The following NPAS3 variants were observed in gnomAD, a reference collection of about 807,000 sequenced individuals.
The protein encoded by NPAS3 is neuronal PAS domain-containing protein 3.
In NPAS3, 14 loss-of-function variants were observed where a neutral mutation model predicts 73.1. The ratio of observed to expected loss-of-function variants is 0.19; its 90% confidence interval spans 0.13 to 0.30. The LOEUF (loss-of-function observed/expected upper bound fraction) is 0.30, where lower values mean the gene tolerates loss of function less well. Ranked by LOEUF, NPAS3 falls within the 10% of genes least tolerant of loss-of-function variation. The pLI, the probability that NPAS3 is intolerant of heterozygous loss-of-function variation, is 1.00. For missense variants in NPAS3, 1,096 were observed against 1,250.0 expected, an observed-to-expected ratio of 0.88 and a Z score of 1.86; for synonymous variants, 620 against 541.5, an observed-to-expected ratio of 1.14 and a Z score of -2.01.
At chr14:33,170,943 C>G (rs2045365736) in intron 2 of NPAS3, among the ~76,000 whole-genome samples, 2 of 152,212 alleles carry the variant, frequency 1.3e-5, no homozygotes, top group African/African-American at 4.8e-5. Flanking sequence ...TTAACAACAT[C>G]CAAAATGGTG....
intron 2 of NPAS3, among the ~76,000 whole-genome samples, chr14:33,090,348 C>A (rs111904212): frequency 3.3e-5 from 5 of 152,226 alleles, no homozygotes; most frequent in African/African-American, 1.2e-4. Flanking sequence ...GGTTGCAATC[C>A]TAGTCTCTGA....
chr14:33,563,025 C>A (rs1248149532), intron 5 of NPAS3, among the ~76,000 whole-genome samples: 1 of 152,030 alleles, frequency 6.6e-6, no homozygotes, highest in African/African-American at 2.4e-5. Context: ...AAGTTATGGA[C>A]CCTCCTTTCC....
chr14:33,624,272 T>C (rs546791238), intron 5 of NPAS3, among the ~76,000 whole-genome samples: 5 of 152,310 alleles, frequency 3.3e-5, no homozygotes, highest in South Asian at 2.1e-4. Flanking sequence ...TGTTCAATAA[T>C]ATTTGTGGAG....
At chr14:33,636,682 GC>G (rs1245605710) in intron 5 of NPAS3, among the ~76,000 whole-genome samples, 1 of 152,120 alleles carries the variant, frequency 6.6e-6, no homozygotes, top group Admixed American at 6.5e-5. Context: ...TTGATGCAAG[GC>G]CCCCAAACGC....
intron 4 of NPAS3, among the ~76,000 whole-genome samples, chr14:33,520,156 G>T (rs2053493157): frequency 6.6e-6 from 1 of 152,112 alleles, no homozygotes; most frequent in Non-Finnish European, 1.5e-5. Flanking sequence ...TTGGGTCGGG[G>T]TGAAGCTCTG....
Position 33,559,842 on chromosome 14 carries a change from A to C in NPAS3, c.469-279A>C, listed in dbSNP as rs532748418. On this transcript the variant is annotated intron_variant, in intron 4 of 11. Coordinates refer to ENST00000356141, the Ensembl canonical transcript of NPAS3. ...GAGACCAGCCTGGCCAACATGCTGA[A>C]ACCCTGTCTCTACTAAAAATACAAA... Among the ~76,000 whole-genome samples, 9 of 152,188 alleles carry C rather than the reference A, an allele frequency of 5.9e-5. No homozygotes were observed. The South Asian group carries it at 1.7e-3, about 28-fold the overall frequency.
chr14:33,801,069 G>C, exon 12 of NPAS3: 1 of 1,593,368 alleles, frequency 6.3e-7, no homozygotes, highest in Non-Finnish European at 8.5e-7. Flanking sequence ...TACAGCAACG[G>C]CATCCACGCG....
At chr14:33,169,470 A>G (rs953092365) in intron 2 of NPAS3, among the ~76,000 whole-genome samples, 4 of 152,290 alleles carry the variant, frequency 2.6e-5, no homozygotes, top group African/African-American at 9.6e-5. Context: ...TGGGAGGCTG[A>G]GACAAGAGAA....
chr14:33,231,647 A>T (rs1369700913), intron 3 of NPAS3, among the ~76,000 whole-genome samples: 2 of 152,190 alleles, frequency 1.3e-5, no homozygotes, highest in African/African-American at 4.8e-5. Context: ...ACATGCAAAG[A>T]TACTACACAT....
At chr14:32,959,677 CAT>C (rs2036827601) in intron 1 of NPAS3, among the ~76,000 whole-genome samples, 1 of 152,178 alleles carries the variant, frequency 6.6e-6, no homozygotes, top group Non-Finnish European at 1.5e-5. Context: ...TGAATATACA[CAT>C]AGTGCTGGTT....
At chr14:32,989,352 TAA>T (rs1348753530) in intron 1 of NPAS3, among the ~76,000 whole-genome samples, 2 of 152,158 alleles carry the variant, frequency 1.3e-5, no homozygotes, top group African/African-American at 4.8e-5. Context: ...GAGAAGTTAT[TAA>T]AAGTTTGTGG....
intron 3 of NPAS3, among the ~76,000 whole-genome samples, chr14:33,333,992 G>A (rs1327009962): frequency 6.6e-6 from 1 of 152,074 alleles, no homozygotes; most frequent in Admixed American, 6.6e-5. Context: ...AAATGGAAGA[G>A]AGAAATCTTA....
At chr14:33,252,520 G>T (rs144760537) in intron 3 of NPAS3, among the ~76,000 whole-genome samples, 1 of 151,820 alleles carries the variant, frequency 6.6e-6, no homozygotes, top group African/African-American at 2.4e-5. Context: ...TGATGTAGTG[G>T]TTATTCTTTT....
chr14:33,717,230 C>CAA (rs35800734), intron 6 of NPAS3, among the ~76,000 whole-genome samples: 9,227 of 102,082 alleles, frequency 0.09, 408 homozygotes, highest in South Asian at 0.22. Flanking sequence ...TGATCATGGC[C>CAA]AAAAAAAAAA....
intron 1 of NPAS3, among the ~76,000 whole-genome samples, chr14:33,039,185 C>T (rs899170790): frequency 6.6e-6 from 1 of 152,128 alleles, no homozygotes; most frequent in Non-Finnish European, 1.5e-5. Context: ...TGAGGTTATT[C>T]TGCAGTTTGT....
chr14:33,227,088 G>T (rs1373468767), intron 3 of NPAS3, among the ~76,000 whole-genome samples: 1 of 152,214 alleles, frequency 6.6e-6, no homozygotes, highest in Non-Finnish European at 1.5e-5. Flanking sequence ...CATATGAAAG[G>T]AAGCAGGGAT....
chr14:33,655,035 G>A (rs1455266556), intron 5 of NPAS3, among the ~76,000 whole-genome samples: 1 of 152,188 alleles, frequency 6.6e-6, no homozygotes, highest in Non-Finnish European at 1.5e-5. Context: ...ACCCTGCAAG[G>A]TGGATGTAAC....
At chr14:33,657,564 T>C (rs1051099889) in intron 5 of NPAS3, among the ~76,000 whole-genome samples, 2 of 152,140 alleles carry the variant, frequency 1.3e-5, no homozygotes, top group African/African-American at 4.8e-5. Context: ...CAGATGAAAA[T>C]TGATTAGAGA....
chr14:33,465,692 T>C (rs539056520), intron 4 of NPAS3, among the ~76,000 whole-genome samples: 1 of 152,314 alleles, frequency 6.6e-6, no homozygotes, highest in East Asian at 1.9e-4. Context: ...GCTTAACTTC[T>C]ATATACTAAA....
Sources: gnomAD v4.1 joint callset for allele counts (sites outside exome capture counted in the v4.1 genomes callset) on GRCh38, gnomAD v4.1.1 for gene constraint, MANE v1.5 for transcripts, NCBI Gene and HGNC (gene_info 2026-07-23, HGNC 2026-07-21) for gene names.